Variants in TFDP2 observed in about 807,000 individuals in gnomAD.
The protein encoded by TFDP2 is transcription factor Dp-2, also known as transcription factor Dp-2 (E2F dimerization partner 2).
Under a neutral mutation model 59.3 loss-of-function variants are expected in TFDP2, and 17 were observed. The observed-to-expected ratio is 0.29, with a 90% CI of 0.20 to 0.43. TFDP2 has a LOEUF of 0.43. Ranked by LOEUF, TFDP2 falls within the 20% of genes least tolerant of loss-of-function variation. TFDP2 has a pLI of 1.00. For missense variants in TFDP2, 391 were observed against 528.8 expected, an observed-to-expected ratio of 0.74 and a Z score of 2.56; for synonymous variants, 180 against 194.7, an observed-to-expected ratio of 0.92 and a Z score of 0.63.
At chr3:142,013,190 G>T (rs1182014959) in intron 3 of TFDP2, among the ~76,000 whole-genome samples, 1 of 151,930 alleles carries the variant, frequency 6.6e-6, no homozygotes, top group Admixed American at 6.6e-5. Flanking sequence ...GAAAAAGAGA[G>T]AGAGAATGAA....
intron 3 of TFDP2, among the ~76,000 whole-genome samples, chr3:142,021,228 A>G (rs1945574370): frequency 6.6e-6 from 1 of 152,224 alleles, no homozygotes; most frequent in Non-Finnish European, 1.5e-5. Context: ...TCTCCAAAGT[A>G]TAATGGTTAA....
At chr3:141,970,726 G>A (rs1225602660) in intron 8 of TFDP2, among the ~76,000 whole-genome samples, 1 of 152,160 alleles carries the variant, frequency 6.6e-6, no homozygotes, top group Admixed American at 6.5e-5. Context: ...TTCCAGCTTA[G>A]CTGACTCTCC....
intron 3 of TFDP2, among the ~76,000 whole-genome samples, chr3:142,016,080 C>T (rs1181828172): frequency 1.3e-5 from 2 of 152,124 alleles, no homozygotes; most frequent in Admixed American, 6.5e-5. Flanking sequence ...GGTGCGATCT[C>T]AGCTCATTGC....
rs1338724957 is a variant in TFDP2, at chr3:141,949,660, G to T, written c.*2853C>A. On this transcript the variant is annotated 3_prime_UTR_variant, in exon 13 of 13. Coordinates refer to ENST00000489671, the MANE Select transcript of TFDP2 (RefSeq NM_001178139.2). Reference sequence around the variant, plus strand: ...AATGACGCCACACGCCTGAAAGGGGGACAGCCACACCCTCAAGGGGAAAAG... The same window carrying T: ...AATGACGCCACACGCCTGAAAGGGGTACAGCCACACCCTCAAGGGGAAAAG... The T allele has an allele frequency of 6.6e-6, 1 of 152,196 alleles. No homozygotes were observed. The highest frequency in any genetic ancestry group is 1.5e-5 in the Non-Finnish European group (1 of 68,138). 9.4% of individuals were successfully genotyped at this position (152,196 alleles called of 1,614,324 possible).
chr3:141,992,070 G>A (rs1437633045), intron 6 of TFDP2, among the ~76,000 whole-genome samples: 13 of 127,064 alleles, frequency 1.0e-4, no homozygotes, highest in South Asian at 5.2e-4. Context: ...AGAAAAGAAA[G>A]AAAGAAAGAA....
At chr3:142,003,925 A>G (rs1944017711) in intron 4 of TFDP2, among the ~76,000 whole-genome samples, 1 of 152,224 alleles carries the variant, frequency 6.6e-6, no homozygotes, top group African/African-American at 2.4e-5. Context: ...AACAAAAAAT[A>G]ATAGAAAATA....
At chr3:142,071,732 G>A (rs755151547) in intron 3 of TFDP2, among the ~76,000 whole-genome samples, 5 of 152,186 alleles carry the variant, frequency 3.3e-5, no homozygotes, top group Non-Finnish European at 7.4e-5. Context: ...TGATTTGACT[G>A]GGAGTAGACA....
chr3:142,047,961 T>G (rs1343229372), intron 3 of TFDP2, among the ~76,000 whole-genome samples: 5 of 152,032 alleles, frequency 3.3e-5, no homozygotes, highest in Admixed American at 2.0e-4. Context: ...AGGCTGATCT[T>G]GAGTTCCTGA....
At chr3:142,007,324 T>G (rs531752635) in intron 3 of TFDP2, among the ~76,000 whole-genome samples, 3 of 152,314 alleles carry the variant, frequency 2.0e-5, no homozygotes. Context: ...TCACTCGATA[T>G]ATGACTGAGC....
chr3:142,014,296 C>T (rs1190771111), intron 3 of TFDP2, among the ~76,000 whole-genome samples: 1 of 151,986 alleles, frequency 6.6e-6, no homozygotes, highest in Non-Finnish European at 1.5e-5. Context: ...GTGTGCACCA[C>T]CATGCCCAGG....
At chr3:141,997,870 A>G (rs1943420192) in intron 4 of TFDP2, among the ~76,000 whole-genome samples, 1 of 143,780 alleles carries the variant, frequency 7.0e-6, no homozygotes, top group South Asian at 2.2e-4. Context: ...AAAAAAAAAA[A>G]GAGAAAGAAA....
intron 1 of TFDP2, chr3:142,126,037 T>C (rs1221395787): frequency 6.6e-6 from 1 of 152,210 alleles, no homozygotes; most frequent in Non-Finnish European, 1.5e-5. Flanking sequence ...GACTTTGTTA[T>C]ATTGTAATCA....
At chr3:141,996,928 C>T (rs1258375713) in intron 4 of TFDP2, among the ~76,000 whole-genome samples, 1 of 152,186 alleles carries the variant, frequency 6.6e-6, no homozygotes, top group Non-Finnish European at 1.5e-5. Flanking sequence ...TGATTATGTA[C>T]AATACACCAA....
intron 1 of TFDP2, among the ~76,000 whole-genome samples, chr3:142,122,735 T>C (rs908413105): frequency 6.6e-6 from 1 of 152,106 alleles, no homozygotes; most frequent in Non-Finnish European, 1.5e-5. Context: ...GGCAAGACAG[T>C]ATTCAGGGCC....
chr3:141,972,708 G>A (rs1264952170), intron 8 of TFDP2, among the ~76,000 whole-genome samples: 1 of 152,160 alleles, frequency 6.6e-6, no homozygotes, highest in Non-Finnish European at 1.5e-5. Flanking sequence ...TTTCTTAGGA[G>A]TAATCACATT....
chr3:142,114,266 A>C (rs761277420), intron 1 of TFDP2, among the ~76,000 whole-genome samples: 1 of 152,226 alleles, frequency 6.6e-6, no homozygotes, highest in Non-Finnish European at 1.5e-5. Flanking sequence ...TGTATAATGA[A>C]GTTTAAATAA....
chr3:142,109,635 T>C (rs1196280111), intron 1 of TFDP2, among the ~76,000 whole-genome samples: 1 of 151,914 alleles, frequency 6.6e-6, no homozygotes. Flanking sequence ...GCCAGCTACA[T>C]AGTGTTTTGA....
intron 1 of TFDP2, among the ~76,000 whole-genome samples, chr3:142,146,562 T>G (rs977525610): frequency 6.6e-6 from 1 of 152,226 alleles, no homozygotes; most frequent in Non-Finnish European, 1.5e-5. Context: ...AAGTTAATCT[T>G]CTTAACTAGT....
intron 1 of TFDP2, among the ~76,000 whole-genome samples, chr3:142,128,312 C>T (rs1425813984): frequency 6.6e-6 from 1 of 152,174 alleles, no homozygotes; most frequent in African/African-American, 2.4e-5. Context: ...ATTATATCAT[C>T]TCACAAAAAG....
Sources: gnomAD v4.1 joint callset for allele counts (sites outside exome capture counted in the v4.1 genomes callset) on GRCh38, gnomAD v4.1.1 for gene constraint, MANE v1.5 for transcripts, NCBI Gene and HGNC (gene_info 2026-07-23, HGNC 2026-07-21) for gene names.